BRINP3: variants seen among roughly 807,000 people sequenced by gnomAD.
BRINP3 encodes BMP/retinoic acid-inducible neural-specific protein 3.
Under a neutral mutation model 71.0 loss-of-function variants are expected in BRINP3, and 19 were observed. That is an observed-to-expected ratio of 0.27 (90% CI 0.19 to 0.39). BRINP3 has a LOEUF of 0.39. BRINP3 is among the 10% of genes least tolerant of loss of function. The pLI, the probability that BRINP3 is intolerant of heterozygous loss-of-function variation, is 1.00. For missense variants in BRINP3, 959 were observed against 940.8 expected, an observed-to-expected ratio of 1.02 and a Z score of -0.25; for synonymous variants, 380 against 337.7, an observed-to-expected ratio of 1.13 and a Z score of -1.37.
chr1:190,160,431 AT>A (rs1657246928), intron 7 of BRINP3, among the ~76,000 whole-genome samples: 2 of 152,014 alleles, frequency 1.3e-5, no homozygotes, highest in South Asian at 4.1e-4. Flanking sequence ...TGATTTCTTC[AT>A]TTTGATAAGA....
chr1:190,132,561 G>A (rs561081124), intron 7 of BRINP3, among the ~76,000 whole-genome samples: 78 of 152,052 alleles, frequency 5.1e-4, no homozygotes, highest in African/African-American at 1.8e-3. Context: ...ATATTATTTA[G>A]GAAAATGTTT....
intron 2 of BRINP3, among the ~76,000 whole-genome samples, chr1:190,416,687 G>A (rs577798335): frequency 6.6e-6 from 1 of 152,030 alleles, no homozygotes; most frequent in African/African-American, 2.4e-5. Flanking sequence ...CCTAGTCACC[G>A]TGAAGTGCCT....
At chr1:190,099,332 G>A (rs554613539) in intron 7 of BRINP3, among the ~76,000 whole-genome samples, 198 bp from the exon 8 acceptor site, 26 of 151,064 alleles carry the variant, frequency 1.7e-4, no homozygotes, top group African/African-American at 5.6e-4. Context: ...ACACACAGAC[G>A]TGTGTATGTA....
chr1:190,229,049 G>C (rs542300471), intron 5 of BRINP3, among the ~76,000 whole-genome samples: 73 of 151,974 alleles, frequency 4.8e-4, no homozygotes, highest in Non-Finnish European at 8.2e-4. Context: ...TCTAGGTAAA[G>C]TATTAAAAAT....
chr1:190,397,838 GAAT>G (rs910169315), intron 2 of BRINP3, among the ~76,000 whole-genome samples: 7 of 151,810 alleles, frequency 4.6e-5, no homozygotes, highest in African/African-American at 2.4e-5. Flanking sequence ...TTTAATGTTT[GAAT>G]AATAATAAAA....
intron 2 of BRINP3, among the ~76,000 whole-genome samples, chr1:190,434,520 A>G (rs747227891): frequency 2.6e-5 from 4 of 152,054 alleles, no homozygotes; most frequent in Non-Finnish European, 5.9e-5. Context: ...GATCCCAAAG[A>G]GCTTCTGTCT....
intron 6 of BRINP3, among the ~76,000 whole-genome samples, chr1:190,180,101 C>G (rs1360386387): frequency 2.0e-5 from 3 of 152,080 alleles, no homozygotes; most frequent in Admixed American, 2.0e-4. Flanking sequence ...ACCCAACATG[C>G]CTTTGACCTG....
At chr1:190,117,307 T>A (rs2102303969) in intron 7 of BRINP3, among the ~76,000 whole-genome samples, 1 of 152,144 alleles carries the variant, frequency 6.6e-6, no homozygotes, top group East Asian at 1.9e-4. Flanking sequence ...ATTAACTTCC[T>A]ACTCTATAAA....
chr1:190,229,651 C>CAA (rs1363313207), intron 5 of BRINP3, among the ~76,000 whole-genome samples: 1 of 141,744 alleles, frequency 7.1e-6, no homozygotes, highest in Non-Finnish European at 1.5e-5. Flanking sequence ...ACAAAACACA[C>CAA]ACACACACAC....
At chr1:190,099,155 G>C (rs781215603) in intron 7 of BRINP3, 21 bp from the exon 8 acceptor site, 3 of 1,601,764 alleles carry the variant, frequency 1.9e-6, no homozygotes, top group Non-Finnish European at 2.6e-6. Context: ...AAAACAGAAC[G>C]AATCTACATA....
chr1:190,100,470 G>A (rs1462043975), intron 7 of BRINP3, among the ~76,000 whole-genome samples: 1 of 152,094 alleles, frequency 6.6e-6, no homozygotes, highest in Non-Finnish European at 1.5e-5. Flanking sequence ...AATGCCAGGA[G>A]ATAACAAGCC....
At chr1:190,186,868 T>G (rs1166773566) in intron 6 of BRINP3, among the ~76,000 whole-genome samples, 1 of 152,182 alleles carries the variant, frequency 6.6e-6, no homozygotes, top group Non-Finnish European at 1.5e-5. Context: ...CAAGATTTAT[T>G]GTGCCTAGGG....
intron 6 of BRINP3, among the ~76,000 whole-genome samples, chr1:190,184,579 AGCAATGTGGAT>A (rs1198536899): frequency 1.3e-5 from 2 of 152,194 alleles, no homozygotes; most frequent in Non-Finnish European, 1.5e-5. Flanking sequence ...TTTCCTTTAC[AGCAATGTGGAT>A]GCAGCTGGAG....
chr1:190,466,020 G>C (rs1158368551), intron 1 of BRINP3, among the ~76,000 whole-genome samples: 1 of 151,704 alleles, frequency 6.6e-6, no homozygotes, highest in African/African-American at 2.4e-5. Flanking sequence ...CCACTTGCAA[G>C]GATAATAAAT....
At chr1:190,349,235 C>T (rs1284126008) in intron 2 of BRINP3, among the ~76,000 whole-genome samples, 1 of 151,954 alleles carries the variant, frequency 6.6e-6, no homozygotes, top group African/African-American at 2.4e-5. Context: ...AAAGAACACA[C>T]CAAAATTGGA....
intron 7 of BRINP3, among the ~76,000 whole-genome samples, chr1:190,104,195 C>A (rs1433720584): frequency 1.3e-5 from 2 of 151,928 alleles, no homozygotes; most frequent in Non-Finnish European, 2.9e-5. Context: ...ATCAAAGATA[C>A]AATAACTTTT....
intron 1 of BRINP3, among the ~76,000 whole-genome samples, chr1:190,476,734 C>T (rs1325722905): frequency 2.0e-5 from 3 of 152,136 alleles, no homozygotes; most frequent in Admixed American, 6.5e-5. Flanking sequence ...GAAATGAGTA[C>T]TCTGTGTCCA....
intron 2 of BRINP3, among the ~76,000 whole-genome samples, chr1:190,337,778 T>C (rs558372220): frequency 2.0e-5 from 3 of 152,178 alleles, no homozygotes; most frequent in South Asian, 4.2e-4. Flanking sequence ...CTTTCATATA[T>C]ACACCTATCC....
chr1:190,110,976 T>A (rs940640971), intron 7 of BRINP3, among the ~76,000 whole-genome samples: 7 of 151,798 alleles, frequency 4.6e-5, no homozygotes, highest in African/African-American at 1.5e-4. Flanking sequence ...GAGATTGAGA[T>A]CATCCTGGCT....
Sources: allele counts gnomAD v4.1 joint callset (sites outside exome capture counted in the v4.1 genomes callset), GRCh38; gene constraint gnomAD v4.1.1; transcripts MANE v1.5; gene names NCBI Gene and HGNC (gene_info 2026-07-23, HGNC 2026-07-21).